Variants in PTPRD observed in about 807,000 individuals in gnomAD.
PTPRD encodes protein tyrosine phosphatase receptor type D, also known as receptor-type tyrosine-protein phosphatase delta.
PTPRD carries 34 observed loss-of-function variants against 214.5 expected under a neutral mutation model. The observed-to-expected ratio is 0.16, with a 90% CI of 0.12 to 0.21. The LOEUF is 0.21. Ranked by LOEUF, PTPRD falls within the 10% of genes least tolerant of loss-of-function variation. The pLI is 1.00. For synonymous variants in PTPRD, 1,128 were observed against 845.7 expected (o/e 1.33, Z -5.79); for missense variants, 2,545 against 2,398.7 (o/e 1.06, Z -1.27).
At chr9:10,577,943 T>G (rs1388939331) in intron 2 of PTPRD, among the ~76,000 whole-genome samples, 1 of 149,500 alleles carries the variant, frequency 6.7e-6, no homozygotes, top group Non-Finnish European at 1.5e-5. Flanking sequence ...AGACAGAGTC[T>G]CACTGTCACC....
intron 14 of PTPRD, among the ~76,000 whole-genome samples, chr9:8,556,043 T>C (rs1312130858): frequency 6.6e-6 from 1 of 152,160 alleles, no homozygotes; most frequent in Non-Finnish European, 1.5e-5. Context: ...TGCTACCCTT[T>C]GGGAAAACAT....
chr9:10,446,417 C>CTTTTTTTTT (rs34478548), intron 2 of PTPRD, among the ~76,000 whole-genome samples: 454 of 92,940 alleles, frequency 4.9e-3, no homozygotes, highest in African/African-American at 5.9e-3. Context: ...CTATTTTTTT[C>CTTTTTTTTT]TTTTTTTTTT....
intron 11 of PTPRD, among the ~76,000 whole-genome samples, chr9:8,781,254 T>C (rs1027248200): frequency 4.6e-5 from 7 of 152,190 alleles, no homozygotes; most frequent in African/African-American, 1.7e-4. Context: ...ATCTAAAGAA[T>C]CTTAAGAGTC....
At chr9:8,713,328 A>G (rs1179276615) in intron 12 of PTPRD, 1 of 848,248 alleles carries the variant, frequency 1.2e-6, no homozygotes, top group Non-Finnish European at 2.0e-6. Context: ...CCTCGGGCAC[A>G]CTAAGAGAGT....
At chr9:8,687,181 C>T (rs2097698052) in intron 12 of PTPRD, among the ~76,000 whole-genome samples, 2 of 152,078 alleles carry the variant, frequency 1.3e-5, no homozygotes, top group Non-Finnish European at 1.5e-5. Flanking sequence ...TTAGATTTTA[C>T]AGGTTTAAGA....
chr9:8,598,851 G>T (rs543890168), intron 14 of PTPRD, among the ~76,000 whole-genome samples: 1 of 152,258 alleles, frequency 6.6e-6, no homozygotes, highest in African/African-American at 2.4e-5. Flanking sequence ...TTAATCCCAA[G>T]TCTAGACATT....
Position 10,511,327 on chromosome 9 carries a change from T to C in PTPRD, c.-600+101071A>G, listed in dbSNP as rs73394385. ...TCAGAAGATAGGTGTATCTTTAATGTTACTAGAAACTGCCAAATTGTCTTC... is the reference window on the plus strand; with the variant it reads ...TCAGAAGATAGGTGTATCTTTAATGCTACTAGAAACTGCCAAATTGTCTTC... On this transcript the variant is annotated intron_variant, in intron 2 of 45. Coordinates refer to ENST00000381196, the MANE Select transcript of PTPRD (RefSeq NM_002839.4). Among the ~76,000 whole-genome samples the C allele has an allele frequency of 6.9e-3, 1,058 of 152,256 alleles. 13 individuals carry two copies. Among genetic ancestry groups the C allele is most frequent in the African/African-American group, 0.025 (1,020 of 41,550 alleles).
At chr9:10,005,898 A>G (rs1020162026) in intron 4 of PTPRD, among the ~76,000 whole-genome samples, 3 of 152,098 alleles carry the variant, frequency 2.0e-5, no homozygotes, top group Non-Finnish European at 4.4e-5. Flanking sequence ...TAAATGCTTA[A>G]TTAAATAATC....
At chr9:10,321,924 G>T (rs1057484452) in intron 3 of PTPRD, among the ~76,000 whole-genome samples, 4 of 151,908 alleles carry the variant, frequency 2.6e-5, no homozygotes, top group Non-Finnish European at 5.9e-5. Context: ...TGTCAAAAAA[G>T]CCAGGAAGGA....
intron 5 of PTPRD, among the ~76,000 whole-genome samples, chr9:9,928,773 C>CACACACAA (rs1369973708): frequency 6.6e-6 from 1 of 151,952 alleles, no homozygotes; most frequent in African/African-American, 2.4e-5. Flanking sequence ...CACACACACA[C>CACACACAA]ACACACACAC....
chr9:8,509,103 C>T (rs923590037), intron 21 of PTPRD, among the ~76,000 whole-genome samples: 9 of 152,084 alleles, frequency 5.9e-5, no homozygotes, highest in African/African-American at 1.2e-4. Flanking sequence ...TTTTTTTCCC[C>T]AGTACCTGCC....
intron 2 of PTPRD, among the ~76,000 whole-genome samples, chr9:10,565,615 T>A (rs2065355422): frequency 6.6e-6 from 1 of 152,072 alleles, no homozygotes; most frequent in Non-Finnish European, 1.5e-5. Context: ...ACACACCCCT[T>A]TGGATAATGT....
intron 9 of PTPRD, among the ~76,000 whole-genome samples, chr9:9,206,796 A>G (rs2099945136): frequency 1.3e-5 from 2 of 152,148 alleles, no homozygotes; most frequent in East Asian, 3.9e-4. Flanking sequence ...CACAGACTGA[A>G]GGCTGCACTA....
At chr9:9,640,602 C>T (rs760657748) in intron 7 of PTPRD, among the ~76,000 whole-genome samples, 9 of 152,006 alleles carry the variant, frequency 5.9e-5, no homozygotes, top group African/African-American at 2.2e-4. Context: ...AGAAGGTAAG[C>T]CTGTAAGTAT....
At chr9:9,383,830 G>A (rs940616446) in intron 9 of PTPRD, among the ~76,000 whole-genome samples, 2 of 151,944 alleles carry the variant, frequency 1.3e-5, no homozygotes, top group African/African-American at 2.4e-5. Flanking sequence ...GGGACTCAGG[G>A]ATCAAGTCTA....
At chr9:9,178,579 A>G (rs1406647868) in intron 10 of PTPRD, among the ~76,000 whole-genome samples, 3 of 152,066 alleles carry the variant, frequency 2.0e-5, no homozygotes, top group Admixed American at 2.0e-4. Context: ...TGACCATGTA[A>G]GTGTAGACAT....
chr9:9,908,197 A>C (rs2078149757), intron 5 of PTPRD, among the ~76,000 whole-genome samples: 1 of 152,054 alleles, frequency 6.6e-6, no homozygotes, highest in African/African-American at 2.4e-5. Flanking sequence ...CTGGAATAAA[A>C]ATTAAATACC....
At position 9,103,668 on chromosome 9, in the gene PTPRD, C is replaced by T. The variant is rs561499939; in HGVS notation, c.-143+79636G>A. ...GAACTTTCTCCAATTTTTGCAAGTA[C>T]CTCACCTTTCCATTAAAAGTGGAGC... On this transcript the variant is annotated intron_variant, in intron 10 of 45. Coordinates refer to ENST00000381196, the MANE Select transcript of PTPRD (RefSeq NM_002839.4). 2.0e-5 allele frequency among the ~76,000 whole-genome samples: 3 copies of T among 151,964 alleles called. No homozygotes were observed. The East Asian group carries it at 5.8e-4, about 29-fold the overall frequency.
intron 7 of PTPRD, among the ~76,000 whole-genome samples, chr9:9,645,457 G>GTGTA (rs1554767219): frequency 2.2e-5 from 3 of 134,386 alleles, no homozygotes; most frequent in Non-Finnish European, 4.7e-5. Flanking sequence ...CTACATATAT[G>GTGTA]TATATATATA....
Sources: gnomAD v4.1 joint callset for allele counts (sites outside exome capture counted in the v4.1 genomes callset) on GRCh38, gnomAD v4.1.1 for gene constraint, MANE v1.5 for transcripts, NCBI Gene and HGNC (gene_info 2026-07-23, HGNC 2026-07-21) for gene names.